The following COL19A1 variants were observed in gnomAD, a reference collection of about 807,000 sequenced individuals.
COL19A1 encodes collagen type XIX alpha 1 chain, also known as collagen alpha-1(XIX) chain.
COL19A1 carries 159 observed loss-of-function variants against 190.2 expected under a neutral mutation model. The observed-to-expected ratio is 0.84, with a 90% CI of 0.73 to 0.95. COL19A1 has a LOEUF of 0.95. Among genes scored for constraint, COL19A1 ranks in the 40% least tolerant of loss-of-function variants. The pLI is 0.00. For synonymous variants in COL19A1, 509 were observed against 458.9 expected (o/e 1.11, Z -1.39); for missense variants, 1,418 against 1,431.9 (o/e 0.99, Z 0.16).
intron 4 of COL19A1, among the ~76,000 whole-genome samples, chr6:69,921,353 C>A (rs1582403550): frequency 1.1e-5 from 1 of 92,960 alleles, no homozygotes; most frequent in East Asian, 2.6e-4. Context: ...TATCATATAT[C>A]ATAATCATAT....
intron 11 of COL19A1, among the ~76,000 whole-genome samples, chr6:70,020,315 A>G (rs1562091808): frequency 2.0e-5 from 3 of 152,076 alleles, no homozygotes; most frequent in Admixed American, 1.3e-4. Flanking sequence ...TTTTTGCCTT[A>G]CAGGTTCATA....
chr6:70,066,602 CTA>C (rs1007946168), intron 14 of COL19A1, among the ~76,000 whole-genome samples: 2 of 150,328 alleles, frequency 1.3e-5, no homozygotes, highest in African/African-American at 4.9e-5. Flanking sequence ...TATAATAAAA[CTA>C]TATATATATA....
At chr6:69,906,569 G>A (rs1469495945) in intron 4 of COL19A1, among the ~76,000 whole-genome samples, 1 of 152,102 alleles carries the variant, frequency 6.6e-6, no homozygotes, top group Non-Finnish European at 1.5e-5. Flanking sequence ...TAAGAATGAG[G>A]GGAAATGAGG....
chr6:70,178,206 G>A (rs536936816), intron 42 of COL19A1, among the ~76,000 whole-genome samples: 11 of 152,226 alleles, frequency 7.2e-5, no homozygotes, highest in Admixed American at 2.6e-4. Flanking sequence ...TGGGAAACAT[G>A]GCAAAACTCT....
intron 9 of COL19A1, among the ~76,000 whole-genome samples, chr6:69,940,705 A>G (rs1425140942): frequency 1.3e-5 from 2 of 152,192 alleles, no homozygotes; most frequent in Non-Finnish European, 2.9e-5. Context: ...ACAACGAATA[A>G]CTAATCTGTG....
At chr6:70,045,814 GCTTT>G (rs1456137014) in intron 14 of COL19A1, among the ~76,000 whole-genome samples, 1 of 152,136 alleles carries the variant, frequency 6.6e-6, no homozygotes, top group Non-Finnish European at 1.5e-5. Flanking sequence ...AAGTCTGTAG[GCTTT>G]CTATTTAGCT....
At chr6:70,149,799 G>T in intron 28 of COL19A1, 52 bp from the exon 29 acceptor site, 1 of 1,613,434 alleles carries the variant, frequency 6.2e-7, no homozygotes, top group Non-Finnish European at 8.5e-7. Context: ...TGGGGGAAAT[G>T]ACTGAAAGAC....
intron 14 of COL19A1, among the ~76,000 whole-genome samples, chr6:70,056,601 A>T (rs1235912338): frequency 6.6e-6 from 1 of 152,110 alleles, no homozygotes; most frequent in Non-Finnish European, 1.5e-5. Context: ...TGATGTTTAG[A>T]CATTCTTCTC....
At chr6:70,121,052 T>C (rs530054432) in intron 16 of COL19A1, among the ~76,000 whole-genome samples, 2 of 152,364 alleles carry the variant, frequency 1.3e-5, no homozygotes, top group South Asian at 4.1e-4. Flanking sequence ...ACTTGGTCTC[T>C]ATAATATTTT....
At position 70,064,300 on chromosome 6, in the gene COL19A1, C is replaced by G. The variant is rs1464674745; in HGVS notation, c.1171-4123C>G. On this transcript the variant is annotated intron_variant, in intron 14 of 50. Coordinates refer to ENST00000620364, the MANE Select transcript of COL19A1 (RefSeq NM_001858.6). Reference sequence around the variant, plus strand: ...CACCATGATCAAGTGGGCTTCATCCCTGGGATGCAAGGCTGGTTTAACACA... The same window carrying G: ...CACCATGATCAAGTGGGCTTCATCCGTGGGATGCAAGGCTGGTTTAACACA... Among the ~76,000 whole-genome samples the G allele has an allele frequency of 2.0e-4, 30 of 152,148 alleles. 1 individual carries two copies. Among genetic ancestry groups the G allele is most frequent in the Admixed American group, 2.0e-3 (30 of 15,266 alleles).
intron 11 of COL19A1, among the ~76,000 whole-genome samples, chr6:70,002,072 T>G (rs555184797): frequency 3.3e-5 from 5 of 152,052 alleles, no homozygotes; most frequent in African/African-American, 1.2e-4. Flanking sequence ...GTTTTTAACA[T>G]GAAGGATGTT....
rs973413216 is a variant in COL19A1 at position 69,932,951 on chromosome 6, A to T, written c.747+88A>T. On this transcript the variant is annotated intron_variant, in intron 7 of 50. Transcript: ENST00000620364. ...TTGTAGAGTCCAAATGTAGGGTAGC[A>T]CTGAGTGTGTTCTGTTGAAGCCAGG... The T allele has an allele frequency of 3.7e-6, 3 of 821,850 alleles. No homozygotes were observed. In the Admixed American group the frequency reaches 7.8e-5, roughly 21 times the overall value. 50.9% of individuals were successfully genotyped at this position (821,850 alleles called of 1,614,324 possible). A position where few individuals can be genotyped will look rare whatever the true frequency, so the allele number is the denominator to read the frequency against.
rs62420126 is a variant in COL19A1 at position 70,007,182 on chromosome 6, G to A, written c.1027-16445G>A. ...TCATTTGAGTTAATTTTTGTGTAGGGTGTGATTTATGAATCAAAGTTAATT... is the reference window on the plus strand; with the variant it reads ...TCATTTGAGTTAATTTTTGTGTAGGATGTGATTTATGAATCAAAGTTAATT... On this transcript the variant is annotated intron_variant, in intron 11 of 50. Transcript: ENST00000620364. Among the ~76,000 whole-genome samples the A allele has an allele frequency of 3.4e-3, 516 of 152,130 alleles. 1 individual carries two copies. Among genetic ancestry groups the A allele is most frequent in the Middle Eastern group, 6.8e-3 (2 of 294 alleles).
intron 5 of COL19A1, 129 bp downstream of exon 5, chr6:69,928,161 C>T (rs1772519414): frequency 4.1e-6 from 5 of 1,212,106 alleles, no homozygotes; most frequent in Admixed American, 2.4e-5. Flanking sequence ...GAGGGATCAT[C>T]AACAAGAAAA....
intron 4 of COL19A1, among the ~76,000 whole-genome samples, chr6:69,906,087 A>G (rs1770528645): frequency 6.6e-6 from 1 of 152,254 alleles, no homozygotes; most frequent in Non-Finnish European, 1.5e-5. Flanking sequence ...GTAAAAACAG[A>G]TAAAAACACA....
rs186893783 is a variant in COL19A1 at position 69,921,588 on chromosome 6, A to G, written c.267-6321A>G. Among the ~76,000 whole-genome samples, 51 of 144,876 alleles carry G rather than the reference A, an allele frequency of 3.5e-4. No homozygotes were observed. In the East Asian group the frequency reaches 0.01, roughly 29 times the overall value. The stretch of plus-strand genomic sequence containing the variant: ...CGTATATATTCATATATATTCGCAC[A>G]TAGATTCGTATATGTATATAGATTC... On this transcript the variant is annotated intron_variant, in intron 4 of 50. Transcript: ENST00000620364.
At chr6:69,933,205 C>T (rs1772892598) in intron 7 of COL19A1, among the ~76,000 whole-genome samples, 1 of 152,014 alleles carries the variant, frequency 6.6e-6, no homozygotes, top group Non-Finnish European at 1.5e-5. Flanking sequence ...CACTCATTTT[C>T]CTTTTCTACC....
intron 48 of COL19A1, among the ~76,000 whole-genome samples, chr6:70,196,710 T>A (rs951492153): frequency 2.0e-5 from 3 of 152,214 alleles, no homozygotes; most frequent in Non-Finnish European, 2.9e-5. Context: ...AGATGGAAAA[T>A]GTGTGTTTGG....
In COL19A1 at chr6:70,149,860, G is replaced by A; in HGVS notation, c.1939G>A (p.Gly647Ser). The change falls in exon 29 of 51, where the codon GGT becomes AGT. Residue 647 changes from glycine (G) to serine (S), a missense_variant. Transcript: ENST00000620364. ...TTCCCTCCTTTTCCAGGGTCCTCGA[G>A]GTCTCCCTGGGTTGCCAGGAACTCC... ...AGEPGIQGPR[G>S]LPGLPGTPGT... 1 of 1,613,596 alleles carries A rather than the reference G, an allele frequency of 6.2e-7. No individual in the cohort carries two copies. The highest frequency in any genetic ancestry group is 8.5e-7 in the Non-Finnish European group (1 of 1,179,752).
Sources: allele counts gnomAD v4.1 joint callset (sites outside exome capture counted in the v4.1 genomes callset), GRCh38; gene constraint gnomAD v4.1.1; transcripts MANE v1.5; gene names NCBI Gene and HGNC (gene_info 2026-07-23, HGNC 2026-07-21).